The following KAZN variants were observed in gnomAD, a reference collection of about 807,000 sequenced individuals.
KAZN encodes the protein kazrin.
Under a neutral mutation model 87.4 loss-of-function variants are expected in KAZN, and 40 were observed. The ratio of observed to expected loss-of-function variants is 0.46; its 90% CI spans 0.36 to 0.60. The LOEUF (loss-of-function observed/expected upper bound fraction) is 0.60. KAZN is among the 20% of genes least tolerant of loss of function. KAZN has a pLI of 0.00. For synonymous variants in KAZN, 466 were observed against 458.3 expected, an observed-to-expected ratio of 1.02 and a Z score of -0.22; for missense variants, 898 against 1,073.9, an observed-to-expected ratio of 0.84 and a Z score of 2.29.
intron 1 of KAZN, among the ~76,000 whole-genome samples, chr1:14,905,350 C>G (rs4661546): frequency 0.52 from 79,043 of 152,016 alleles, 22,840 homozygotes; most frequent in Non-Finnish European, 0.63. Context: ...GCGTGATCTA[C>G]TGCGCCTGGA....
At chr1:14,762,131 C>T (rs576804190) in intron 1 of KAZN, among the ~76,000 whole-genome samples, 24 of 152,214 alleles carry the variant, frequency 1.6e-4, no homozygotes, top group African/African-American at 5.5e-4. Flanking sequence ...CTTTGGTAAC[C>T]GCTCCTTTTA....
At chr1:15,033,765 G>GTC (rs1451019429) in intron 2 of KAZN, among the ~76,000 whole-genome samples, 3 of 152,138 alleles carry the variant, frequency 2.0e-5, no homozygotes, top group African/African-American at 4.8e-5. Context: ...TTGTAACAGA[G>GTC]TCTCGCTCTC....
intron 1 of KAZN, among the ~76,000 whole-genome samples, chr1:14,027,020 A>G (rs1641107615): frequency 6.6e-6 from 1 of 152,166 alleles, no homozygotes; most frequent in Non-Finnish European, 1.5e-5. Context: ...ATGGGAAGGT[A>G]AAACTAGGAT....
At chr1:14,552,205 T>C (rs964544662) in intron 2 of KAZN, among the ~76,000 whole-genome samples, 1 of 152,170 alleles carries the variant, frequency 6.6e-6, no homozygotes, top group Non-Finnish European at 1.5e-5. Context: ...ACGGGCAGCA[T>C]CTCTCCCTTT....
chr1:14,826,947 G>C (rs1382773182), intron 1 of KAZN, among the ~76,000 whole-genome samples: 4 of 152,184 alleles, frequency 2.6e-5, no homozygotes, highest in African/African-American at 9.6e-5. Context: ...TGTGGGGTTA[G>C]CCAAGCTCTC....
chr1:14,726,529 C>G (rs1572331544), intron 1 of KAZN, among the ~76,000 whole-genome samples: 2 of 152,200 alleles, frequency 1.3e-5, no homozygotes, highest in East Asian at 3.9e-4. Context: ...CCAAAGTCAT[C>G]CTTCCTCGAG....
intron 2 of KAZN, among the ~76,000 whole-genome samples, chr1:14,358,855 A>G (rs1422345356): frequency 1.3e-5 from 2 of 152,160 alleles, no homozygotes; most frequent in Admixed American, 6.5e-5. Context: ...TATGTGGTCA[A>G]TTTTAGAATA....
chr1:14,530,962 A>T (rs1478687979), intron 2 of KAZN, among the ~76,000 whole-genome samples: 2 of 152,030 alleles, frequency 1.3e-5, no homozygotes, highest in Non-Finnish European at 2.9e-5. Context: ...AGCCCCAGCT[A>T]CTCAAGAGGC....
At chr1:14,371,394 T>C (rs1395068224) in intron 2 of KAZN, among the ~76,000 whole-genome samples, 2 of 152,182 alleles carry the variant, frequency 1.3e-5, no homozygotes, top group African/African-American at 4.8e-5. Context: ...GAGACCATGC[T>C]TTTAGGGATC....
chr1:14,085,292 A>G (rs1643820519), intron 1 of KAZN, among the ~76,000 whole-genome samples: 1 of 152,212 alleles, frequency 6.6e-6, no homozygotes, highest in Non-Finnish European at 1.5e-5. Context: ...TTTACGTAAG[A>G]TAAATTAATC....
At chr1:14,835,425 C>T (rs151000534) in intron 1 of KAZN, among the ~76,000 whole-genome samples, 270 of 152,166 alleles carry the variant, frequency 1.8e-3, no homozygotes, top group African/African-American at 6.1e-3. Context: ...GAAAACCTGA[C>T]GAGAAGGGGG....
At chr1:14,224,674 A>G (rs1647201504) in intron 2 of KAZN, among the ~76,000 whole-genome samples, 2 of 152,180 alleles carry the variant, frequency 1.3e-5, no homozygotes, top group Admixed American at 6.6e-5. Context: ...GGCTGTAGGG[A>G]TGCCTCAAGA....
At chr1:14,200,843 G>A (rs1002639881) in intron 2 of KAZN, among the ~76,000 whole-genome samples, 1 of 151,628 alleles carries the variant, frequency 6.6e-6, no homozygotes, top group Admixed American at 6.6e-5. Context: ...AAGAGTCTTG[G>A]TTACTTTTTT....
At chr1:14,393,599 T>C (rs1309045882) in intron 2 of KAZN, among the ~76,000 whole-genome samples, 2 of 152,160 alleles carry the variant, frequency 1.3e-5, no homozygotes, top group Admixed American at 1.3e-4. Context: ...GGGACACATT[T>C]GCAGGGTGAC....
At chr1:14,503,747 T>A (rs547453938) in intron 2 of KAZN, among the ~76,000 whole-genome samples, 1 of 152,028 alleles carries the variant, frequency 6.6e-6, no homozygotes, top group Non-Finnish European at 1.5e-5. Context: ...AATCCAAGGC[T>A]AAAATTGCAA....
intron 2 of KAZN, among the ~76,000 whole-genome samples, chr1:14,516,560 A>G (rs1671309765): frequency 6.6e-6 from 1 of 152,208 alleles, no homozygotes; most frequent in Non-Finnish European, 1.5e-5. Flanking sequence ...TCTGCGAGAA[A>G]CAACAGACTC....
At chr1:14,813,756 A>T (rs1159196493) in intron 1 of KAZN, among the ~76,000 whole-genome samples, 1 of 152,222 alleles carries the variant, frequency 6.6e-6, no homozygotes, top group Admixed American at 6.5e-5. Context: ...ATGTATTTCC[A>T]TATGTTCTAG....
In KAZN at chr1:14,276,465, G is replaced by A. The variant is rs185646006; in HGVS notation, c.249+95873G>A. 2.6e-3 allele frequency among the ~76,000 whole-genome samples: 400 copies of A among 152,178 alleles called. 7 individuals carry two copies. The highest frequency in any genetic ancestry group is 6.2e-3 in the South Asian group (30 of 4,816). On this transcript the variant is annotated intron_variant, in intron 2 of 16. Transcript: ENST00000636203. The stretch of plus-strand genomic sequence containing the variant: ...TTATATGACAAAAATTTGTTGCCTC[G>A]CAGTTCTAGAGGCTGGAAGTCTGAA...
At chr1:14,068,523 G>A (rs567264217) in intron 1 of KAZN, among the ~76,000 whole-genome samples, 9 of 152,062 alleles carry the variant, frequency 5.9e-5, no homozygotes, top group Non-Finnish European at 1.2e-4. Context: ...AATCTCATCG[G>A]GGGATTCTAC....
Sources: gnomAD v4.1 joint callset for allele counts (sites outside exome capture counted in the v4.1 genomes callset) on GRCh38, gnomAD v4.1.1 for gene constraint, MANE v1.5 for transcripts, NCBI Gene and HGNC (gene_info 2026-07-23, HGNC 2026-07-21) for gene names.